ARHGEF6: variants seen among roughly 807,000 people sequenced by gnomAD.
The protein encoded by ARHGEF6 is rho guanine nucleotide exchange factor 6.
In ARHGEF6, 9 loss-of-function variants were observed where a neutral mutation model predicts 70.3. The observed-to-expected ratio is 0.13, with a 90% CI of 0.08 to 0.22. ARHGEF6 has a LOEUF of 0.22. ARHGEF6 is among the 10% of genes least tolerant of loss of function. ARHGEF6 has a pLI of 1.00. For missense variants in ARHGEF6, 470 were observed against 563.0 expected (o/e 0.83, Z 1.67); for synonymous variants, 201 against 207.8 (o/e 0.97, Z 0.28).
rs1325562151 is a variant in ARHGEF6, at chrX:136,669,574, G to A, written c.2136-38C>T. ...GATAAAATTCAGAGACAAATGGCTT[G>A]CACTGAGGTACTGTTAAAATACTTA... On this transcript the variant is annotated intron_variant, in intron 20 of 21. Transcript: ENST00000250617. 4.7e-6 allele frequency: 5 copies of A among 1,071,730 alleles called. No homozygotes were observed. The South Asian group carries it at 9.3e-5, about 20-fold the overall frequency. The allele number at this position is 1,071,730 out of a possible 1,213,427, so 88.3% of individuals were successfully genotyped here. A position where few individuals can be genotyped will look rare whatever the true frequency, so the allele number is the denominator to read the frequency against.
At chrX:136,673,390 G>A (rs990238392) in intron 19 of ARHGEF6, among the ~76,000 whole-genome samples, 3 of 111,800 alleles carry the variant, frequency 2.7e-5, no homozygotes, top group Admixed American at 9.4e-5. Flanking sequence ...GGTTAGAGAG[G>A]GATAGAGGAT....
At chrX:136,780,026 A>G in intron 1 of ARHGEF6, among the ~76,000 whole-genome samples, 1 of 112,339 alleles carries the variant, frequency 8.9e-6, no homozygotes, top group East Asian at 2.8e-4. Flanking sequence ...ACAGTCCATG[A>G]TGACCTTAAG....
At chrX:136,747,170 G>A (rs755752287) in intron 3 of ARHGEF6, among the ~76,000 whole-genome samples, 45 of 111,068 alleles carry the variant, frequency 4.1e-4, no homozygotes, top group Non-Finnish European at 7.2e-4. Context: ...GGGAAGTGAC[G>A]GCTGTATTTT....
intron 2 of ARHGEF6, among the ~76,000 whole-genome samples, chrX:136,752,713 C>G (rs1603352810): frequency 8.9e-6 from 1 of 112,252 alleles, no homozygotes; most frequent in South Asian, 3.7e-4. Flanking sequence ...GTCTAATCAA[C>G]TGAAAAGCAA....
At chrX:136,690,285 T>G (rs1424255272) in intron 10 of ARHGEF6, among the ~76,000 whole-genome samples, 1 of 111,814 alleles carries the variant, frequency 8.9e-6, no homozygotes, top group Non-Finnish European at 1.9e-5. Context: ...TTAGTTGGAT[T>G]TTGACCAAAC....
chrX:136,685,050 CTCAA>C (rs906250605), intron 12 of ARHGEF6, among the ~76,000 whole-genome samples: 2 of 111,972 alleles, frequency 1.8e-5, no homozygotes, highest in Non-Finnish European at 1.9e-5. Context: ...TTCTACCTGA[CTCAA>C]TCAATCTTTT....
At chrX:136,761,946 G>A (rs1357558700) in intron 2 of ARHGEF6, among the ~76,000 whole-genome samples, 4 of 108,657 alleles carry the variant, frequency 3.7e-5, no homozygotes, top group South Asian at 7.7e-4. Context: ...CGCTGTTGTC[G>A]CCTAGGCTGG....
intron 5 of ARHGEF6, chrX:136,737,467 CAAAAA>C: frequency 3.7e-6 from 2 of 544,232 alleles, no homozygotes; most frequent in Non-Finnish European, 4.2e-6. Context: ...AACTCCATCT[CAAAAA>C]AAAAAAAAAA....
chrX:136,767,432 ACT>A (rs1399302586), intron 2 of ARHGEF6: 1 of 753,483 alleles, frequency 1.3e-6, no homozygotes, highest in Non-Finnish European at 1.6e-6. Context: ...CCGTCTCCAA[ACT>A]CTGTGCCGCG....
intron 2 of ARHGEF6, among the ~76,000 whole-genome samples, chrX:136,749,094 A>G (rs2077125233): frequency 8.9e-6 from 1 of 112,201 alleles, no homozygotes; most frequent in Non-Finnish European, 1.9e-5. Context: ...AGTAATGCTA[A>G]TATTACTAAA....
rs757507819 is a variant in ARHGEF6 at position 136,666,617 on chromosome X, A to AT, written c.*1411dup. 78 of 112,247 alleles carry AT rather than the reference A, an allele frequency of 6.9e-4. No individual in the cohort carries two copies. The highest frequency in any genetic ancestry group is 2.4e-3 in the African/African-American group (75 of 30,926). 9.3% of individuals were successfully genotyped at this position (112,247 alleles called of 1,213,427 possible). ...AATTCTGATCAGCCCTTTGGCCTCA[A>AT]TTTCCAGTGACCTTCCCCATCTGGC... On this transcript the variant is annotated 3_prime_UTR_variant, in exon 22 of 22. Transcript: ENST00000250617.
intron 9 of ARHGEF6, among the ~76,000 whole-genome samples, chrX:136,695,240 A>C (rs986918428): frequency 3.2e-4 from 36 of 112,468 alleles, no homozygotes; most frequent in African/African-American, 1.1e-3. Context: ...CAAGTATTTT[A>C]ATTTTCATCC....
chrX:136,757,667 T>C (rs1300945773), intron 2 of ARHGEF6, among the ~76,000 whole-genome samples: 2 of 112,069 alleles, frequency 1.8e-5, no homozygotes, highest in Non-Finnish European at 3.8e-5. Flanking sequence ...CAGGCTTCCC[T>C]ATTTCTGAAT....
intron 16 of ARHGEF6, among the ~76,000 whole-genome samples, chrX:136,678,944 G>A (rs763968649): frequency 6.4e-5 from 7 of 110,222 alleles, no homozygotes; most frequent in Non-Finnish European, 1.1e-4. Context: ...GCAACTTTGA[G>A]AGAAAAAAAA....
chrX:136,768,185 C>T (rs1426503939), intron 2 of ARHGEF6, among the ~76,000 whole-genome samples: 4 of 111,886 alleles, frequency 3.6e-5, no homozygotes, highest in South Asian at 3.8e-4. Context: ...ATGCCCTTCC[C>T]GGCCTCTCTG....
Position 136,669,533 on chromosome X carries a change from G to A in ARHGEF6, c.2139C>T (p.Ser713=). The A allele has an allele frequency of 8.3e-7, 1 of 1,204,738 alleles. No individual in the cohort carries two copies. Among genetic ancestry groups the A allele is most frequent in the Non-Finnish European group, 1.1e-6 (1 of 889,347 alleles). The part of the protein sequence containing the change: ...SNGQTIMEEK[S]LVDTVYALKD... ...TCAAGGCGTAAACAGTATCAACAAG[G>A]CTCCTAGAAAATAAAGATAAAATTC... Residue 713 remains serine (S), a synonymous_variant, in exon 21 of 22, where the codon AGC becomes AGT. Coordinates refer to ENST00000250617, the MANE Select transcript of ARHGEF6 (RefSeq NM_004840.3).
At chrX:136,733,506 A>G (rs1387096252) in intron 5 of ARHGEF6, among the ~76,000 whole-genome samples, 1 of 111,556 alleles carries the variant, frequency 9.0e-6, no homozygotes, top group East Asian at 2.8e-4. Flanking sequence ...ATGTTTGTGA[A>G]CACACATATG....
intron 5 of ARHGEF6, among the ~76,000 whole-genome samples, chrX:136,742,430 G>A (rs1347245311): frequency 8.9e-6 from 1 of 111,915 alleles, no homozygotes; most frequent in Non-Finnish European, 1.9e-5. Flanking sequence ...CAATTTTGAG[G>A]CATTGAAAAA....
At chrX:136,767,929 A>G (rs1337860257) in intron 2 of ARHGEF6, 1 of 432,425 alleles carries the variant, frequency 2.3e-6, no homozygotes, top group African/African-American at 2.7e-5. Flanking sequence ...CACACTGCGC[A>G]TGCTGCTGCC....
Sources: allele counts gnomAD v4.1 joint callset (sites outside exome capture counted in the v4.1 genomes callset), GRCh38; gene constraint gnomAD v4.1.1; transcripts MANE v1.5; gene names NCBI Gene and HGNC (gene_info 2026-07-23, HGNC 2026-07-21).